Variants in DSCAM observed in about 807,000 individuals in gnomAD.
DSCAM encodes the protein DS cell adhesion molecule.
In DSCAM, 47 loss-of-function variants were observed where a neutral mutation model predicts 217.7. That is an observed-to-expected ratio of 0.22 (90% confidence interval 0.17 to 0.28). The LOEUF (loss-of-function observed/expected upper bound fraction) is 0.28. Ranked by LOEUF, DSCAM falls within the 10% of genes least tolerant of loss-of-function variation. DSCAM has a pLI of 1.00. For synonymous variants in DSCAM, 1,056 were observed against 1,015.3 expected, an observed-to-expected ratio of 1.04 and a Z score of -0.76; for missense variants, 2,080 against 2,618.3, an observed-to-expected ratio of 0.79 and a Z score of 4.49.
At chr21:40,230,919 T>C (rs1312752310) in intron 11 of DSCAM, among the ~76,000 whole-genome samples, 1 of 151,976 alleles carries the variant, frequency 6.6e-6, no homozygotes, top group African/African-American at 2.4e-5. Flanking sequence ...GGTACACAGA[T>C]GTCCCCACAA....
chr21:40,364,761 C>CATAT lies in DSCAM; in HGVS notation c.655+4334_655+4337dup, dbSNP rs35060347. ...ATATATACACACACTAGTATATATA[C>CATAT]ATATATATATATATATATACACACA... is the stretch of plus-strand genomic sequence containing the variant. On this transcript the variant is annotated intron_variant, in intron 4 of 32. Coordinates refer to ENST00000400454, the MANE Select transcript of DSCAM (RefSeq NM_001389.5). Among the ~76,000 whole-genome samples, 155 of 139,592 alleles carry CATAT rather than the reference C, an allele frequency of 1.1e-3. 1 individual carries two copies. The highest frequency in any genetic ancestry group is 3.9e-3 in the Middle Eastern group (1 of 254). The allele number at this position is 139,592 out of a possible 152,430, so 91.6% of individuals were successfully genotyped here.
intron 3 of DSCAM, among the ~76,000 whole-genome samples, chr21:40,632,122 A>G (rs1251526930): frequency 6.6e-6 from 1 of 152,210 alleles, no homozygotes; most frequent in Non-Finnish European, 1.5e-5. Flanking sequence ...CCAAAGAGCT[A>G]TGCTGGCTTC....
intron 5 of DSCAM, among the ~76,000 whole-genome samples, chr21:40,350,808 C>G (rs375214208): frequency 1.3e-5 from 2 of 150,646 alleles, no homozygotes; most frequent in East Asian, 3.9e-4. Context: ...ACAGAGAGTC[C>G]CTGAGATTTT....
chr21:40,585,294 G>A (rs977252416), intron 3 of DSCAM, among the ~76,000 whole-genome samples: 3 of 151,200 alleles, frequency 2.0e-5, no homozygotes, highest in Non-Finnish European at 4.4e-5. Context: ...GAGCTCATTA[G>A]ATCCATGAAG....
intron 10 of DSCAM, among the ~76,000 whole-genome samples, chr21:40,289,851 C>A (rs1397594758): frequency 6.6e-6 from 1 of 152,044 alleles, no homozygotes; most frequent in East Asian, 1.9e-4. Context: ...AAAAACAGAA[C>A]AAGAAACCAG....
chr21:40,418,329 A>G (rs1289821809), intron 3 of DSCAM, among the ~76,000 whole-genome samples: 1 of 152,212 alleles, frequency 6.6e-6, no homozygotes, highest in Non-Finnish European at 1.5e-5. Context: ...TGAGCAAAAA[A>G]TCTTCTAAGA....
At chr21:40,407,939 A>C (rs117187284) in intron 3 of DSCAM, among the ~76,000 whole-genome samples, 1 of 152,248 alleles carries the variant, frequency 6.6e-6, no homozygotes, top group Non-Finnish European at 1.5e-5. Flanking sequence ...ATCCAGAGGA[A>C]TATCTTGATG....
At chr21:40,302,252 T>G (rs2074025492) in intron 9 of DSCAM, among the ~76,000 whole-genome samples, 1 of 152,054 alleles carries the variant, frequency 6.6e-6, no homozygotes, top group Admixed American at 6.5e-5. Flanking sequence ...TCCCACCTAT[T>G]GTGGGAGGGA....
At chr21:40,670,997 C>T (rs1300544095) in intron 3 of DSCAM, among the ~76,000 whole-genome samples, 1 of 152,106 alleles carries the variant, frequency 6.6e-6, no homozygotes, top group African/African-American at 2.4e-5. Flanking sequence ...TAAGAAAATG[C>T]ATCCTGAGGT....
intron 1 of DSCAM, among the ~76,000 whole-genome samples, chr21:40,781,198 AT>A (rs1385420050): frequency 6.6e-6 from 1 of 151,890 alleles, no homozygotes; most frequent in Non-Finnish European, 1.5e-5. Context: ...TCTACTAAAA[AT>A]AGTAGAGATG....
chr21:40,226,599 C>A (rs1473608104), intron 11 of DSCAM, among the ~76,000 whole-genome samples: 1 of 152,138 alleles, frequency 6.6e-6, no homozygotes, highest in Non-Finnish European at 1.5e-5. Flanking sequence ...TCCACAAAGA[C>A]CTCATTGTGT....
chr21:40,251,066 G>T (rs1195476855), intron 11 of DSCAM, among the ~76,000 whole-genome samples: 2 of 152,200 alleles, frequency 1.3e-5, no homozygotes, highest in East Asian at 1.9e-4. Context: ...CATGCTGCCT[G>T]CCTTCTCTTC....
intron 1 of DSCAM, among the ~76,000 whole-genome samples, chr21:40,829,290 A>G (rs750185520): frequency 6.6e-6 from 1 of 152,156 alleles, no homozygotes; most frequent in Non-Finnish European, 1.5e-5. Context: ...AGAGTCTGGG[A>G]AAGGAAGGGG....
chr21:40,522,959 A>G (rs1018993493), intron 3 of DSCAM, among the ~76,000 whole-genome samples: 14 of 152,138 alleles, frequency 9.2e-5, no homozygotes, highest in African/African-American at 3.1e-4. Flanking sequence ...TGTTGATTTC[A>G]TGTTTCGCTT....
At chr21:40,677,813 T>C (rs768376935) in intron 3 of DSCAM, among the ~76,000 whole-genome samples, 18 of 151,920 alleles carry the variant, frequency 1.2e-4, no homozygotes, top group Non-Finnish European at 1.9e-4. Flanking sequence ...AAGACAGCTG[T>C]CTATGAACCA....
At position 40,120,590 on chromosome 21, in the gene DSCAM, T is replaced by C. The variant is rs541724180; in HGVS notation, c.3696+3605A>G. The stretch of plus-strand genomic sequence containing the variant: ...TCAAACCACTATATATTAAAATTAA[T>C]AGCCAGAATCCACAAATTATGTGGA... On this transcript the variant is annotated intron_variant, in intron 20 of 32. Coordinates refer to ENST00000400454, the MANE Select transcript of DSCAM (RefSeq NM_001389.5). Among the ~76,000 whole-genome samples the C allele has an allele frequency of 2.6e-5, 4 of 152,354 alleles. No homozygotes were observed. In the East Asian group the frequency reaches 7.7e-4, roughly 29 times the overall value.
chr21:40,496,701 A>G (rs1250518636), intron 3 of DSCAM, among the ~76,000 whole-genome samples: 1 of 152,108 alleles, frequency 6.6e-6, no homozygotes, highest in Non-Finnish European at 1.5e-5. Flanking sequence ...ATCAGCAAAG[A>G]GAACCTATGG....
chr21:40,188,106 A>G lies in DSCAM; in HGVS notation c.2554-119T>C, dbSNP rs909586875. On this transcript the variant is annotated intron_variant, in intron 12 of 32. Transcript: ENST00000400454. ...CCATGCCAAGCACACACATAGGTACACTCACACACACACACACACACTCAC... is the reference window on the plus strand; with the variant it reads ...CCATGCCAAGCACACACATAGGTACGCTCACACACACACACACACACTCAC... 3 of 645,324 alleles carry G rather than the reference A, an allele frequency of 4.6e-6. 1 individual carries two copies. Among genetic ancestry groups the G allele is most frequent in the African/African-American group, 4.1e-5 (2 of 48,194 alleles). 40.0% of individuals were successfully genotyped at this position (645,324 alleles called of 1,614,324 possible). A position where few individuals can be genotyped will look rare whatever the true frequency, so the allele number is the denominator to read the frequency against.
chr21:40,792,123 CTCT>C (rs1555889314), intron 1 of DSCAM, among the ~76,000 whole-genome samples: 7 of 108,896 alleles, frequency 6.4e-5, no homozygotes, highest in East Asian at 6.9e-4. Flanking sequence ...GTGTCCTAAT[CTCT>C]TCTTCTTCTT....
Sources: allele counts gnomAD v4.1 joint callset (sites outside exome capture counted in the v4.1 genomes callset), GRCh38; gene constraint gnomAD v4.1.1; transcripts MANE v1.5; gene names NCBI Gene and HGNC (gene_info 2026-07-23, HGNC 2026-07-21).